GABRB1: variants seen among roughly 807,000 people sequenced by gnomAD.
The protein encoded by GABRB1 is gamma-aminobutyric acid type A receptor subunit beta1, also known as gamma-aminobutyric acid receptor subunit beta-1.
Under a neutral mutation model 51.6 loss-of-function variants are expected in GABRB1, and 17 were observed. The ratio of observed to expected loss-of-function variants is 0.33; its 90% CI spans 0.23 to 0.49. The LOEUF (loss-of-function observed/expected upper bound fraction) is 0.49, where lower values mean the gene tolerates loss of function less well. Ranked by LOEUF, GABRB1 falls within the 20% of genes least tolerant of loss-of-function variation. The pLI, the probability that GABRB1 is intolerant of heterozygous loss-of-function variation, is 0.99. For missense variants in GABRB1, 410 were observed against 600.6 expected, an observed-to-expected ratio of 0.68 and a Z score of 3.32; for synonymous variants, 247 against 218.9, an observed-to-expected ratio of 1.13 and a Z score of -1.14.
At chr4:47,311,803 C>T (rs1724697501) in intron 4 of GABRB1, among the ~76,000 whole-genome samples, 3 of 152,086 alleles carry the variant, frequency 2.0e-5, no homozygotes, top group Admixed American at 2.0e-4. Context: ...ATACTACTAG[C>T]CAAAGTAACT....
chr4:47,355,315 T>C (rs1726525384), intron 5 of GABRB1, among the ~76,000 whole-genome samples: 2 of 149,032 alleles, frequency 1.3e-5, no homozygotes, highest in Admixed American at 1.3e-4. Context: ...GGAAAACTTC[T>C]TTTTTTTTTA....
chr4:47,028,025 T>A (rs1319046535), upstream of GABRB1, among the ~76,000 whole-genome samples: 11 of 151,906 alleles, frequency 7.2e-5, no homozygotes, highest in East Asian at 7.7e-4. Context: ...GCTTCCATGA[T>A]ACTTAAGGTT....
chr4:47,411,390 A>C (rs1054685476), intron 8 of GABRB1, among the ~76,000 whole-genome samples: 1 of 152,200 alleles, frequency 6.6e-6, no homozygotes, highest in Non-Finnish European at 1.5e-5. Context: ...GAAAAAAAAC[A>C]GTATTAAAAG....
intron 3 of GABRB1, among the ~76,000 whole-genome samples, chr4:47,130,685 A>G (rs986039818): frequency 6.6e-6 from 1 of 152,160 alleles, no homozygotes; most frequent in East Asian, 1.9e-4. Context: ...TGTAATTATT[A>G]GATTAGTCAT....
At chr4:47,020,335 A>G (rs752672439) in intron 1 of GABRB1, among the ~76,000 whole-genome samples, 61 of 152,290 alleles carry the variant, frequency 4.0e-4, no homozygotes, top group Non-Finnish European at 7.5e-4. Flanking sequence ...TGGGGGGAAC[A>G]ATTCAATTCA....
At chr4:47,345,798 C>T (rs1410064122) in intron 5 of GABRB1, among the ~76,000 whole-genome samples, 1 of 152,126 alleles carries the variant, frequency 6.6e-6, no homozygotes, top group Non-Finnish European at 1.5e-5. Flanking sequence ...ATAGTTTATT[C>T]AGCATCCCAA....
chr4:46,994,676 G>A (rs1046960386), intron 1 of GABRB1, among the ~76,000 whole-genome samples: 4 of 152,160 alleles, frequency 2.6e-5, no homozygotes, highest in African/African-American at 9.7e-5. Context: ...ATTCCCAATA[G>A]ATCTTTGGAA....
At chr4:47,218,411 A>G (rs1288303426) in intron 4 of GABRB1, among the ~76,000 whole-genome samples, 1 of 151,830 alleles carries the variant, frequency 6.6e-6, no homozygotes, top group Admixed American at 6.6e-5. Flanking sequence ...AGAAACCTCC[A>G]TAGTTTTTTG....
chr4:47,002,081 A>T (rs1512143), intron 1 of GABRB1, among the ~76,000 whole-genome samples: 84,328 of 152,098 alleles, frequency 0.55, 23,768 homozygotes, highest in Non-Finnish European at 0.61. Context: ...TAAATTAATC[A>T]TTATATTTGA....
chr4:47,420,204 G>T (rs559797907), intron 8 of GABRB1, among the ~76,000 whole-genome samples: 1 of 152,328 alleles, frequency 6.6e-6, no homozygotes, highest in African/African-American at 2.4e-5. Context: ...TTAGGAAGCA[G>T]ATCAGAGACA....
chr4:47,232,183 G>T (rs17539459), intron 4 of GABRB1, among the ~76,000 whole-genome samples: 6 of 151,900 alleles, frequency 3.9e-5, no homozygotes, highest in East Asian at 1.9e-4. Flanking sequence ...AACCAGAGCC[G>T]CTTTTCCCTA....
At position 47,159,141 on chromosome 4, in the gene GABRB1, G is replaced by A. The variant is rs969642067; in HGVS notation, c.241-2108G>A. On this transcript the variant is annotated intron_variant, in intron 3 of 8. Coordinates refer to ENST00000295454, the MANE Select transcript of GABRB1 (RefSeq NM_000812.4). ...AAGAAAAAGAAAAAAAAAATAGCCAGGTGTGATGGTGCATGCCTGTAGTCC... is the reference window on the plus strand; with the variant it reads ...AAGAAAAAGAAAAAAAAAATAGCCAAGTGTGATGGTGCATGCCTGTAGTCC... Among the ~76,000 whole-genome samples, 16 of 151,256 alleles carry A rather than the reference G, an allele frequency of 1.1e-4. 1 individual carries two copies. The highest frequency in any genetic ancestry group is 7.3e-4 in the Admixed American group (11 of 15,148).
chr4:47,227,205 T>C (rs1355396643), intron 4 of GABRB1, among the ~76,000 whole-genome samples: 1 of 152,158 alleles, frequency 6.6e-6, no homozygotes, highest in Non-Finnish European at 1.5e-5. Flanking sequence ...GAAGGCAAAG[T>C]TGCTGCAATA....
intron 5 of GABRB1, among the ~76,000 whole-genome samples, chr4:47,381,996 G>T (rs1177403127): frequency 6.6e-6 from 1 of 152,150 alleles, no homozygotes; most frequent in Non-Finnish European, 1.5e-5. Flanking sequence ...GTCTAGGCTG[G>T]GGGTAGGGAT....
chr4:47,143,014 C>T (rs979756987), intron 3 of GABRB1, among the ~76,000 whole-genome samples: 1 of 151,802 alleles, frequency 6.6e-6, no homozygotes, highest in Admixed American at 6.6e-5. Flanking sequence ...TGCTTGGAGC[C>T]AGAATTGTGG....
At chr4:47,236,705 G>C (rs952922817) in intron 4 of GABRB1, among the ~76,000 whole-genome samples, 6 of 152,104 alleles carry the variant, frequency 3.9e-5, no homozygotes, top group Non-Finnish European at 7.4e-5. Flanking sequence ...AGGCAGAAAG[G>C]GAGTAAGTTT....
At chr4:47,302,140 C>A (rs1724285562) in intron 4 of GABRB1, among the ~76,000 whole-genome samples, 1 of 152,104 alleles carries the variant, frequency 6.6e-6, no homozygotes, top group Non-Finnish European at 1.5e-5. Context: ...CTCTGATATA[C>A]TAAGATTTCT....
chr4:47,151,796 A>C (rs75445116), intron 3 of GABRB1, among the ~76,000 whole-genome samples: 1,707 of 152,132 alleles, frequency 0.011, 31 homozygotes, highest in African/African-American at 0.039. Context: ...TGATGAATTA[A>C]TCAATTTAAT....
intron 5 of GABRB1, among the ~76,000 whole-genome samples, chr4:47,334,200 T>G (rs1725605769): frequency 6.6e-6 from 1 of 152,234 alleles, no homozygotes; most frequent in Non-Finnish European, 1.5e-5. Flanking sequence ...GACTCAACTT[T>G]GAGTAGTCAA....
Sources: gnomAD v4.1 joint callset for allele counts (sites outside exome capture counted in the v4.1 genomes callset) on GRCh38, gnomAD v4.1.1 for gene constraint, MANE v1.5 for transcripts, NCBI Gene and HGNC (gene_info 2026-07-23, HGNC 2026-07-21) for gene names.